The following ADGRA3 variants were observed in gnomAD, a reference collection of about 807,000 sequenced individuals.
ADGRA3 encodes G-protein coupled receptor 125.
ADGRA3 carries 56 observed loss-of-function variants against 119.8 expected under a neutral mutation model. That is an observed-to-expected ratio of 0.47 (90% CI 0.38 to 0.58). ADGRA3 has a LOEUF of 0.58. Among genes scored for constraint, ADGRA3 ranks in the 20% least tolerant of loss-of-function variants. ADGRA3 has a pLI of 0.00. For synonymous variants in ADGRA3, 607 were observed against 623.8 expected, an observed-to-expected ratio of 0.97 and a Z score of 0.40; for missense variants, 1,516 against 1,649.0, an observed-to-expected ratio of 0.92 and a Z score of 1.40.
At chr4:22,409,953 C>T (rs1715125210) in intron 14 of ADGRA3, among the ~76,000 whole-genome samples, 1 of 152,120 alleles carries the variant, frequency 6.6e-6, no homozygotes, top group African/African-American at 2.4e-5. Flanking sequence ...TAAAACATTA[C>T]ATCCATGTGA....
intron 12 of ADGRA3, chr4:22,414,383 T>G: frequency 2.2e-6 from 1 of 446,418 alleles, no homozygotes; most frequent in Non-Finnish European, 3.9e-6. Flanking sequence ...TAATAACACA[T>G]AGGAACAACT....
intron 4 of ADGRA3, among the ~76,000 whole-genome samples, chr4:22,448,576 T>C (rs1716911026): frequency 1.3e-5 from 2 of 152,144 alleles, no homozygotes; most frequent in South Asian, 2.1e-4. Context: ...AGAGTGACCA[T>C]TGGGCAGATG....
chr4:22,425,263 A>G (rs1230002300), intron 10 of ADGRA3, among the ~76,000 whole-genome samples: 1 of 152,054 alleles, frequency 6.6e-6, no homozygotes, highest in South Asian at 2.1e-4. Flanking sequence ...CTCCCAACTC[A>G]ATGAATGCTT....
chr4:22,426,418 C>T (rs531587682), intron 10 of ADGRA3, among the ~76,000 whole-genome samples: 1 of 152,268 alleles, frequency 6.6e-6, no homozygotes, highest in African/African-American at 2.4e-5. Context: ...GATGCAGAAG[C>T]CAACAGTTAT....
intron 1 of ADGRA3, among the ~76,000 whole-genome samples, chr4:22,496,157 G>T (rs1056288017): frequency 1.3e-5 from 2 of 152,136 alleles, no homozygotes; most frequent in African/African-American, 4.8e-5. Flanking sequence ...CTGTCAATGT[G>T]AATTTGTGTT....
At chr4:22,394,817 G>A (rs1425475057) in intron 16 of ADGRA3, 1 of 152,178 alleles carries the variant, frequency 6.6e-6, no homozygotes, top group African/African-American at 2.4e-5. Flanking sequence ...TACTCTTAAA[G>A]ATACTGAAGC....
intron 2 of ADGRA3, among the ~76,000 whole-genome samples, chr4:22,472,752 G>T (rs189596150): frequency 6.6e-6 from 1 of 152,108 alleles, no homozygotes; most frequent in Non-Finnish European, 1.5e-5. Flanking sequence ...AAAAGGCCAC[G>T]CAGAGAAGTG....
At chr4:22,478,409 A>G (rs1172807861) in intron 1 of ADGRA3, among the ~76,000 whole-genome samples, 2 of 152,248 alleles carry the variant, frequency 1.3e-5, no homozygotes, top group Non-Finnish European at 2.9e-5. Flanking sequence ...CACACCTTGT[A>G]TATCAGAAGG....
intron 12 of ADGRA3, chr4:22,420,623 C>A: frequency 1.9e-6 from 1 of 540,090 alleles, no homozygotes; most frequent in South Asian, 2.9e-5. Flanking sequence ...AGTATATTTG[C>A]ATTTATACCA....
chr4:22,454,440 C>A (rs1170707855), intron 4 of ADGRA3, among the ~76,000 whole-genome samples: 1 of 152,178 alleles, frequency 6.6e-6, no homozygotes, highest in Non-Finnish European at 1.5e-5. Context: ...GACAAATGGC[C>A]TTGTTCTCAT....
At chr4:22,456,326 C>A (rs552775928) in intron 3 of ADGRA3, among the ~76,000 whole-genome samples, 1 of 151,996 alleles carries the variant, frequency 6.6e-6, no homozygotes, top group African/African-American at 2.4e-5. Flanking sequence ...GAGATTGGTG[C>A]GGGAGTCAGT....
At chr4:22,493,594 T>C (rs1249272314) in intron 1 of ADGRA3, among the ~76,000 whole-genome samples, 2 of 152,186 alleles carry the variant, frequency 1.3e-5, no homozygotes, top group East Asian at 3.9e-4. Context: ...CATTGGGCTA[T>C]GTTACCAGTC....
At chr4:22,451,378 C>T (rs1453765347) in intron 4 of ADGRA3, among the ~76,000 whole-genome samples, 1 of 152,114 alleles carries the variant, frequency 6.6e-6, no homozygotes, top group East Asian at 1.9e-4. Context: ...AGGACACAGG[C>T]TTCACAGAAG....
At chr4:22,453,052 A>C (rs1259450640) in intron 4 of ADGRA3, among the ~76,000 whole-genome samples, 6 of 151,544 alleles carry the variant, frequency 4.0e-5, no homozygotes, top group Admixed American at 3.3e-4. Context: ...CAAAAAAAAA[A>C]TTAGCCGGGC....
intron 16 of ADGRA3, among the ~76,000 whole-genome samples, chr4:22,398,671 T>C (rs1714475735): frequency 6.6e-6 from 1 of 152,172 alleles, no homozygotes; most frequent in Non-Finnish European, 1.5e-5. Flanking sequence ...TGTTAATTTA[T>C]CGGACTTACT....
chr4:22,392,978 C>T lies in ADGRA3; in HGVS notation c.2482-288G>A, dbSNP rs1020620472. On this transcript the variant is annotated intron_variant, in intron 16 of 18. Transcript: ENST00000334304. ...ACAGAACTGGCTCCCAGACATTAAA[C>T]CAAAAGTGTGTTTTTCATAGATGTG... 1.5e-5 allele frequency: 4 copies of T among 270,918 alleles called. No homozygotes were observed. In the South Asian group the frequency reaches 3.7e-4, roughly 25 times the overall value. 16.8% of individuals were successfully genotyped at this position (270,918 alleles called of 1,614,324 possible). A position where few individuals can be genotyped will look rare whatever the true frequency, so the allele number is the denominator to read the frequency against.
At chr4:22,412,399 C>T (rs914993148) in intron 14 of ADGRA3, among the ~76,000 whole-genome samples, 2 of 152,068 alleles carry the variant, frequency 1.3e-5, no homozygotes, top group Admixed American at 6.5e-5. Context: ...ATTTTACCCC[C>T]CAAAAATTAC....
chr4:22,467,837 T>C (rs904617213), intron 2 of ADGRA3, among the ~76,000 whole-genome samples: 35 of 152,158 alleles, frequency 2.3e-4, no homozygotes, highest in African/African-American at 5.6e-4. Flanking sequence ...TCTGAATACA[T>C]TGGATCATTA....
At chr4:22,408,008 A>G (rs1715018522) in intron 14 of ADGRA3, among the ~76,000 whole-genome samples, 2 of 152,128 alleles carry the variant, frequency 1.3e-5, no homozygotes, top group African/African-American at 4.8e-5. Flanking sequence ...AAATTTTAAA[A>G]TAGATTGAAA....
Sources: gnomAD v4.1 joint callset for allele counts (sites outside exome capture counted in the v4.1 genomes callset) on GRCh38, gnomAD v4.1.1 for gene constraint, MANE v1.5 for transcripts, NCBI Gene and HGNC (gene_info 2026-07-23, HGNC 2026-07-21) for gene names.